The following MFAP3L variants were observed in gnomAD, a reference collection of about 807,000 sequenced individuals.
MFAP3L encodes microfibrillar-associated protein 3-like.
In MFAP3L, 5 loss-of-function variants were observed where a neutral mutation model predicts 20.0. The observed-to-expected ratio is 0.25, with a 90% CI of 0.13 to 0.53. The LOEUF is 0.53. Ranked by LOEUF, MFAP3L falls within the 20% of genes least tolerant of loss-of-function variation. The pLI, the probability that MFAP3L is intolerant of heterozygous loss-of-function variation, is 0.96. For missense variants in MFAP3L, 409 were observed against 527.5 expected (o/e 0.78, Z 2.20); for synonymous variants, 219 against 213.0 (o/e 1.03, Z -0.25).
chr4:169,992,012 T>C lies in MFAP3L; in HGVS notation c.596A>G (p.Gln199Arg). Residue 199 changes from glutamine to arginine, a missense_variant, in exon 3 of 3, where the codon CAG becomes CGG. Physicochemically the swap from Gln to Arg is conservative, Grantham distance 43. This residue lies in a region of MFAP3L where 127 missense variants were observed against 218.1 expected (regional missense o/e 0.58). Coordinates refer to ENST00000361618, the MANE Select transcript of MFAP3L (RefSeq NM_021647.8). The surrounding 1 kb of genome is among the most constrained non-coding windows in gnomAD (Gnocchi z 4.3). ...FFRTEGAEKL[Q>R]KAFEIAKRIP... ...GCGCTTGGCGATCTCAAATGCCTTC[T>C]GCAGCTTCTCTGCACCTTCGGTCCT... is the stretch of plus-strand genomic sequence containing the variant. The C allele has an allele frequency of 6.2e-7, 1 of 1,614,218 alleles. No individual in the cohort carries two copies. The highest frequency in any genetic ancestry group is 8.5e-7 in the Non-Finnish European group (1 of 1,180,042).
At chr4:170,001,979 C>T (rs1016791702) in intron 2 of MFAP3L, 7 of 985,322 alleles carry the variant, frequency 7.1e-6, no homozygotes, top group Non-Finnish European at 8.4e-6. Context: ...TCAGCAGAAA[C>T]GAGACATGAA....
At chr4:169,994,336 TATAAGG>T (rs1581451411) in intron 2 of MFAP3L, 1 of 985,380 alleles carries the variant, frequency 1.0e-6, no homozygotes, top group East Asian at 1.1e-4. Context: ...TATCTGTAAA[TATAAGG>T]ATAAAGTAGT....
intron 1 of MFAP3L, among the ~76,000 whole-genome samples, chr4:170,007,601 C>T (rs1308079223): frequency 6.6e-6 from 1 of 152,202 alleles, no homozygotes; most frequent in East Asian, 1.9e-4. Flanking sequence ...TGAAATGATG[C>T]TTCTCCAATC....
intron 1 of MFAP3L, among the ~76,000 whole-genome samples, chr4:170,014,170 C>T (rs1277233461): frequency 6.6e-6 from 1 of 151,954 alleles, no homozygotes; most frequent in African/African-American, 2.4e-5. Flanking sequence ...AACATCTCCC[C>T]CCTTTAAAAA....
chr4:170,000,969 C>T (rs927947764), intron 2 of MFAP3L, among the ~76,000 whole-genome samples: 3 of 152,272 alleles, frequency 2.0e-5, no homozygotes, highest in Admixed American at 2.0e-4. Flanking sequence ...GTGACCCTCC[C>T]ATCTTGGCCT....
intron 2 of MFAP3L, chr4:170,001,828 G>T: frequency 1.4e-6 from 1 of 715,556 alleles, no homozygotes; most frequent in Non-Finnish European, 1.7e-6. Flanking sequence ...TCACACATTA[G>T]CCTCTCCTGA....
chr4:169,991,171 G>A lies in MFAP3L; in HGVS notation c.*207C>T. 2 of 593,520 alleles carry A rather than the reference G, an allele frequency of 3.4e-6. No homozygotes were observed. Among genetic ancestry groups the A allele is most frequent in the Non-Finnish European group, 5.9e-6 (2 of 338,036 alleles). 36.8% of individuals were successfully genotyped at this position (593,520 alleles called of 1,614,324 possible). Reference sequence around the variant, plus strand: ...ACACCTTCTGTCTGGTATCAATTCTGCACCCTGATGTTTCTCGCACCCTTC... The same window carrying A: ...ACACCTTCTGTCTGGTATCAATTCTACACCCTGATGTTTCTCGCACCCTTC... On this transcript the variant is annotated 3_prime_UTR_variant, in exon 3 of 3. Transcript: ENST00000361618. This position sits in a 1 kb window ranked among gnomAD's most constrained non-coding sequence, Gnocchi z 4.9.
Position 169,992,302 on chromosome 4 carries a change from C to A in MFAP3L, c.306G>T (p.Trp102Cys). Residue 102 changes from tryptophan (W) to cysteine (C), a missense_variant, in exon 3 of 3, where the codon TGG becomes TGT. Trp to Cys is a radical substitution (Grantham distance 215). Transcript: ENST00000361618. The surrounding 1 kb of genome is among the most constrained non-coding windows in gnomAD (Gnocchi z 4.3). ...TCAGGAGGCCGCTGTCGTGCATTTGCCATTTTCCTGTCGGAAGGGAGAGAA... is the reference window on the plus strand; with the variant it reads ...TCAGGAGGCCGCTGTCGTGCATTTGACATTTTCCTGTCGGAAGGGAGAGAA... ...EDEKERGGGK[W>C]QMHDSGLLNI... The A allele has an allele frequency of 1.2e-6, 2 of 1,604,696 alleles. No homozygotes were observed. Among genetic ancestry groups the A allele is most frequent in the Non-Finnish European group, 1.7e-6 (2 of 1,174,282 alleles).
At chr4:170,013,981 G>A (rs1287174895) in intron 1 of MFAP3L, among the ~76,000 whole-genome samples, 2 of 152,184 alleles carry the variant, frequency 1.3e-5, no homozygotes, top group African/African-American at 4.8e-5. Context: ...TGATGCAGGG[G>A]CCTTTATGCT....
chr4:169,994,851 A>G (rs1197171471), intron 2 of MFAP3L: 1 of 152,218 alleles, frequency 6.6e-6, no homozygotes, highest in Admixed American at 6.5e-5. Flanking sequence ...CCAATATTTA[A>G]TTTTATTTGT....
rs574045539 is a variant in MFAP3L at position 170,018,593 on chromosome 4, C to T, written c.-134+7641G>A. ...ACTGCACGTCCTGGGTACAGAGGCA[C>T]AATGAGAAATGACCAGCCTCCATTA... On this transcript the variant is annotated intron_variant, in intron 1 of 2. Transcript: ENST00000361618. Among the ~76,000 whole-genome samples, 8 of 152,200 alleles carry T rather than the reference C, an allele frequency of 5.3e-5. No individual in the cohort carries two copies. The East Asian group carries it at 1.4e-3, about 26-fold the overall frequency.
chr4:170,006,333 G>A (rs546597491), intron 1 of MFAP3L, among the ~76,000 whole-genome samples: 3 of 152,008 alleles, frequency 2.0e-5, no homozygotes, highest in South Asian at 2.1e-4. Context: ...GGCTGGTCTC[G>A]AACTCCTGAC....
intron 1 of MFAP3L, among the ~76,000 whole-genome samples, chr4:170,009,022 G>C (rs556199097): frequency 4.6e-5 from 7 of 152,280 alleles, no homozygotes; most frequent in African/African-American, 1.7e-4. Flanking sequence ...GACTCTGGAC[G>C]CTGGCAAAAT....
chr4:170,011,809 T>C (rs1190811155), intron 1 of MFAP3L, among the ~76,000 whole-genome samples: 2 of 152,114 alleles, frequency 1.3e-5, no homozygotes, highest in African/African-American at 4.8e-5. Flanking sequence ...GATGGAAGTA[T>C]TAATAGTTTG....
At chr4:170,007,572 T>G (rs1314950753) in intron 1 of MFAP3L, among the ~76,000 whole-genome samples, 1 of 152,240 alleles carries the variant, frequency 6.6e-6, no homozygotes. Flanking sequence ...ATTAGCACAA[T>G]GTATAAAGCA....
Position 169,994,364 on chromosome 4 carries a change from T to A in MFAP3L, c.299-2055A>T, listed in dbSNP as rs903027162. The stretch of plus-strand genomic sequence containing the variant: ...AAGGATAAAGTAGTCTGAACCTGGG[T>A]ACAGAAGAGGAGAACACTAACAAGA... On this transcript the variant is annotated intron_variant, in intron 2 of 2. Coordinates refer to ENST00000361618, the MANE Select transcript of MFAP3L (RefSeq NM_021647.8). 7.1e-6 allele frequency: 7 copies of A among 985,142 alleles called. No individual in the cohort carries two copies. The African/African-American group carries it at 1.0e-4, about 15-fold the overall frequency. 61.0% of individuals were successfully genotyped at this position (985,142 alleles called of 1,614,324 possible).
At chr4:170,020,004 G>A (rs1464470410) in intron 1 of MFAP3L, among the ~76,000 whole-genome samples, 1 of 152,168 alleles carries the variant, frequency 6.6e-6, no homozygotes, top group Non-Finnish European at 1.5e-5. Flanking sequence ...CTTCTTTTAT[G>A]TATCTCTTAC....
intron 1 of MFAP3L, among the ~76,000 whole-genome samples, chr4:170,015,710 G>A (rs567627152): frequency 2.6e-5 from 4 of 152,150 alleles, no homozygotes; most frequent in Admixed American, 6.5e-5. Context: ...TATGGAAGAC[G>A]GGCCGGTCCT....
In MFAP3L at chr4:169,986,701, C is replaced by T. The variant is rs1461396721; in HGVS notation, c.*4677G>A. Reference sequence around the variant, plus strand: ...CTGTAATACCAACTTATATGAGTAACTTGTTTACAACTTTATTTTTAAAAG... The same window carrying T: ...CTGTAATACCAACTTATATGAGTAATTTGTTTACAACTTTATTTTTAAAAG... On this transcript the variant is annotated 3_prime_UTR_variant, in exon 3 of 3. Transcript: ENST00000361618. 2 of 152,182 alleles carry T rather than the reference C, an allele frequency of 1.3e-5. No individual in the cohort carries two copies. The highest frequency in any genetic ancestry group is 4.8e-5 in the African/African-American group (2 of 41,454). 9.4% of individuals were successfully genotyped at this position (152,182 alleles called of 1,614,324 possible). A position where few individuals can be genotyped will look rare whatever the true frequency, so the allele number is the denominator to read the frequency against.
Sources: allele counts gnomAD v4.1 joint callset (sites outside exome capture counted in the v4.1 genomes callset), GRCh38; gene constraint gnomAD v4.1.1; regional missense constraint gnomAD v4.1.1; non-coding constraint Gnocchi (gnomAD v3.1); transcripts MANE v1.5; gene names NCBI Gene and HGNC (gene_info 2026-07-23, HGNC 2026-07-21).